Variants in ERBB4 observed in about 807,000 individuals in gnomAD.
The protein encoded by ERBB4 is receptor tyrosine-protein kinase erbB-4.
In ERBB4, 42 loss-of-function variants were observed where a neutral mutation model predicts 158.0. The observed-to-expected ratio is 0.27, with a 90% CI of 0.21 to 0.34. ERBB4 has a LOEUF of 0.34. Among genes scored for constraint, ERBB4 ranks in the 10% least tolerant of loss-of-function variants. The probability of loss-of-function intolerance (pLI) is 1.00; values close to 1 mark genes in which losing one functional copy is unlikely to be tolerated. For missense variants in ERBB4, 1,333 were observed against 1,624.1 expected, an observed-to-expected ratio of 0.82 and a Z score of 3.08; for synonymous variants, 583 against 558.7, an observed-to-expected ratio of 1.04 and a Z score of -0.61.
intron 20 of ERBB4, among the ~76,000 whole-genome samples, chr2:211,516,961 T>A (rs2066050926): frequency 6.6e-6 from 1 of 152,178 alleles, no homozygotes; most frequent in Non-Finnish European, 1.5e-5. Flanking sequence ...CATCAGGTTC[T>A]GAATCTCACC....
At chr2:211,889,282 G>A (rs1372436198) in intron 3 of ERBB4, among the ~76,000 whole-genome samples, 6 of 144,006 alleles carry the variant, frequency 4.2e-5, no homozygotes, top group East Asian at 1.9e-4. Context: ...CCCCCCAGCC[G>A]GGGCACACTG....
intron 2 of ERBB4, among the ~76,000 whole-genome samples, chr2:212,069,326 G>A (rs1466877699): frequency 6.6e-6 from 1 of 151,834 alleles, no homozygotes; most frequent in Non-Finnish European, 1.5e-5. Flanking sequence ...AATCAATATG[G>A]TCATCTCAAT....
intron 20 of ERBB4, among the ~76,000 whole-genome samples, chr2:211,458,954 CTT>C (rs1230307629): frequency 6.6e-6 from 1 of 152,116 alleles, no homozygotes; most frequent in Non-Finnish European, 1.5e-5. Flanking sequence ...AAAGCTTCCT[CTT>C]TTTGTTTTCC....
In ERBB4 at chr2:211,376,434, A is replaced by ATT. The variant is rs2062474777; in HGVS notation, c.*7179_*7180dup. On this transcript the variant is annotated 3_prime_UTR_variant, in exon 28 of 28. Coordinates refer to ENST00000342788, the MANE Select transcript of ERBB4 (RefSeq NM_005235.3). Reference sequence around the variant, plus strand: ...TTCACATTTTCAAACATACAGTAGTATTTTTTGTTTGTTTATTTCAAAAAG... The same window carrying ATT: ...TTCACATTTTCAAACATACAGTAGTATTTTTTTTGTTTGTTTATTTCAAAAAG... 4.3e-6 allele frequency: 1 copy of ATT among 232,876 alleles called. No homozygotes were observed. Among genetic ancestry groups the ATT allele is most frequent in the Non-Finnish European group, 8.5e-6 (1 of 117,524 alleles). The allele number at this position is 232,876 out of a possible 1,614,324, so 14.4% of individuals were successfully genotyped here.
intron 2 of ERBB4, among the ~76,000 whole-genome samples, chr2:212,120,386 A>T (rs1159686750): frequency 6.6e-6 from 1 of 152,194 alleles, no homozygotes; most frequent in Non-Finnish European, 1.5e-5. Flanking sequence ...AACATGACTC[A>T]CATGTTTATC....
rs552324442 is a variant in ERBB4 at position 211,762,071 on chromosome 2, A to C, written c.557-11367T>G. On this transcript the variant is annotated intron_variant, in intron 4 of 27. Transcript: ENST00000342788. The stretch of plus-strand genomic sequence containing the variant: ...ACATGCAAAGTACCTGGCTTGTAAT[A>C]AGCAGTAATCAATGTTAGTTCCCTT... 5.3e-5 allele frequency among the ~76,000 whole-genome samples: 8 copies of C among 152,362 alleles called. No individual in the cohort carries two copies. In the South Asian group the frequency reaches 1.7e-3, roughly 32 times the overall value.
chr2:211,831,543 A>T (rs1028748689), intron 3 of ERBB4, among the ~76,000 whole-genome samples: 1 of 152,200 alleles, frequency 6.6e-6, no homozygotes, highest in African/African-American at 2.4e-5. Context: ...AAAAAGACTA[A>T]GAAAAATCAT....
At chr2:212,104,794 C>G (rs549064740) in intron 2 of ERBB4, among the ~76,000 whole-genome samples, 94 of 152,168 alleles carry the variant, frequency 6.2e-4, no homozygotes, top group African/African-American at 2.0e-3. Flanking sequence ...TTGCGCTTTG[C>G]TAGAAATATT....
chr2:211,676,023 A>G (rs1365471058), intron 13 of ERBB4, among the ~76,000 whole-genome samples: 1 of 152,042 alleles, frequency 6.6e-6, no homozygotes, highest in Non-Finnish European at 1.5e-5. Context: ...TAACACCACT[A>G]TTATTCCCAA....
intron 1 of ERBB4, among the ~76,000 whole-genome samples, chr2:212,196,709 G>A (rs535372911): frequency 5.9e-5 from 9 of 152,120 alleles, no homozygotes; most frequent in South Asian, 4.1e-4. Flanking sequence ...CAATTTAAGC[G>A]ATTCCTTTGA....
intron 1 of ERBB4, among the ~76,000 whole-genome samples, chr2:212,265,169 T>C (rs76958750): frequency 0.06 from 9,192 of 152,162 alleles, 389 homozygotes; most frequent in African/African-American, 0.12. Context: ...GCCCCTGCCC[T>C]TGAGAAGCTC....
chr2:212,345,570 C>G (rs1000068615), intron 1 of ERBB4, among the ~76,000 whole-genome samples: 1 of 151,934 alleles, frequency 6.6e-6, no homozygotes, highest in Non-Finnish European at 1.5e-5. Context: ...TCACTTCTCT[C>G]GGACAATAAG....
chr2:212,277,757 G>A (rs1456334174), intron 1 of ERBB4, among the ~76,000 whole-genome samples: 1 of 151,542 alleles, frequency 6.6e-6, no homozygotes, highest in Non-Finnish European at 1.5e-5. Context: ...ATCTTTATAT[G>A]CTGACACAGA....
At position 211,706,321 on chromosome 2, in the gene ERBB4, T is replaced by C. The variant is rs556663887; in HGVS notation, c.1125-930A>G. On this transcript the variant is annotated intron_variant, in intron 9 of 27. Transcript: ENST00000342788. ...TACCAGTCTCTGAGAACATTCCTTT[T>C]TGGTATGGCGAATAACCATTAGTGA... is the stretch of plus-strand genomic sequence containing the variant. Among the ~76,000 whole-genome samples, 26 of 152,318 alleles carry C rather than the reference T, an allele frequency of 1.7e-4. No individual in the cohort carries two copies. In the South Asian group the frequency reaches 5.4e-3, roughly 32 times the overall value.
At chr2:211,748,028 A>G (rs907168687) in intron 5 of ERBB4, among the ~76,000 whole-genome samples, 1 of 151,704 alleles carries the variant, frequency 6.6e-6, no homozygotes, top group Non-Finnish European at 1.5e-5. Context: ...ATGCTACGTA[A>G]ATAGATGTTA....
chr2:211,678,966 C>CAAAAAAAAAAAAAAAAAAA (rs71054127), intron 13 of ERBB4, 86 bp downstream of exon 13: 1 of 406,814 alleles, frequency 2.5e-6, no homozygotes, highest in Non-Finnish European at 3.6e-6. Flanking sequence ...GACTCCGTCT[C>CAAAAAAAAAAAAAAAAAAA]AAAAAAAAAA....
chr2:212,538,321 A>C (rs559932873), intron 1 of ERBB4, 128 bp downstream of exon 1: 2 of 817,166 alleles, frequency 2.4e-6, no homozygotes, highest in South Asian at 2.7e-5. Flanking sequence ...CCGAAAGCCC[A>C]GGGAAGAGGC....
chr2:212,051,388 A>G (rs1483866949), intron 2 of ERBB4, among the ~76,000 whole-genome samples: 1 of 152,138 alleles, frequency 6.6e-6, no homozygotes, highest in Non-Finnish European at 1.5e-5. Context: ...TTATCATTTG[A>G]GAGGTTTTAT....
rs2063526585 is a variant in ERBB4, at chr2:211,422,155, T to C, written c.2867-51A>G. On this transcript the variant is annotated intron_variant, in intron 23 of 27. Transcript: ENST00000342788. ...CACTATATTCGTAACTAGAAAGGAG[T>C]TGAAATTTAAATTTTGTGAAAATAT... is the stretch of plus-strand genomic sequence containing the variant. 4 of 1,209,760 alleles carry C rather than the reference T, an allele frequency of 3.3e-6. No homozygotes were observed. The South Asian group carries it at 4.8e-5, about 15-fold the overall frequency. The allele number at this position is 1,209,760 out of a possible 1,614,324, so 74.9% of individuals were successfully genotyped here.
Sources: gnomAD v4.1 joint callset for allele counts (sites outside exome capture counted in the v4.1 genomes callset) on GRCh38, gnomAD v4.1.1 for gene constraint, MANE v1.5 for transcripts, NCBI Gene and HGNC (gene_info 2026-07-23, HGNC 2026-07-21) for gene names.